Variants in FAT3 observed in about 807,000 individuals in gnomAD.
FAT3 encodes FAT atypical cadherin 3, also known as protocadherin Fat 3.
In FAT3, 95 loss-of-function variants were observed where a neutral mutation model predicts 310.2. That is an observed-to-expected ratio of 0.31 (90% CI 0.26 to 0.36). FAT3 has a LOEUF of 0.36. FAT3 is among the 10% of genes least tolerant of loss of function. The pLI is 1.00. For missense variants in FAT3, 5,408 were observed against 5,715.6 expected (o/e 0.95, Z 1.74); for synonymous variants, 2,314 against 2,192.9 (o/e 1.06, Z -1.54).
intron 2 of FAT3, among the ~76,000 whole-genome samples, chr11:92,477,280 T>A (rs1390372204): frequency 6.6e-6 from 1 of 152,240 alleles, no homozygotes; most frequent in Non-Finnish European, 1.5e-5. Context: ...GTTTCTGGTG[T>A]GAAGTGTATT....
At chr11:92,561,740 C>T (rs950865534) in intron 3 of FAT3, among the ~76,000 whole-genome samples, 11 of 152,196 alleles carry the variant, frequency 7.2e-5, no homozygotes, top group Admixed American at 2.6e-4. Flanking sequence ...ATTCTCCTGC[C>T]TCAGCCTCCC....
chr11:92,289,268 A>C (rs1946634484), intron 1 of FAT3, among the ~76,000 whole-genome samples: 1 of 152,072 alleles, frequency 6.6e-6, no homozygotes, highest in African/African-American at 2.4e-5. Flanking sequence ...TAAGGTGAAC[A>C]GTTTTCCTTC....
intron 2 of FAT3, among the ~76,000 whole-genome samples, chr11:92,481,664 T>C (rs1425869193): frequency 6.6e-6 from 1 of 152,216 alleles, no homozygotes; most frequent in Non-Finnish European, 1.5e-5. Context: ...TACTTGGTGT[T>C]CTAGTTCTCT....
intron 2 of FAT3, among the ~76,000 whole-genome samples, chr11:92,522,218 T>C (rs1380069513): frequency 6.6e-6 from 1 of 152,148 alleles, no homozygotes; most frequent in Non-Finnish European, 1.5e-5. Flanking sequence ...GTCACTTGTC[T>C]GTTCTATGAC....
At position 92,442,081 on chromosome 11, in the gene FAT3, TTATATATA is replaced by T. The variant is rs869247397; in HGVS notation, c.3293-82529_3293-82522del. Among the ~76,000 whole-genome samples the T allele has an allele frequency of 1.8e-3, 128 of 69,984 alleles. 2 individuals carry two copies. The highest frequency in any genetic ancestry group is 4.5e-3 in the African/African-American group (55 of 12,150). The allele number at this position is 69,984 out of a possible 152,430, so 45.9% of individuals were successfully genotyped here. ...GTGCAAAACTTAAGAAATATATATT[TTATATATA>T]TATATATATATATATATATATATTT... On this transcript the variant is annotated intron_variant, in intron 2 of 27. Transcript: ENST00000525166.
At chr11:92,378,901 G>A (rs1232030176) in intron 2 of FAT3, among the ~76,000 whole-genome samples, 2 of 152,100 alleles carry the variant, frequency 1.3e-5, no homozygotes, top group Non-Finnish European at 2.9e-5. Context: ...GCTTTTATAA[G>A]GGCACTAATC....
At chr11:92,576,579 T>TA (rs1238132919) in intron 3 of FAT3, among the ~76,000 whole-genome samples, 4 of 152,082 alleles carry the variant, frequency 2.6e-5, no homozygotes, top group Admixed American at 1.3e-4. Flanking sequence ...TGCTAACAAT[T>TA]ACTGATTTGG....
At chr11:92,434,108 A>G (rs1020992405) in intron 2 of FAT3, among the ~76,000 whole-genome samples, 8 of 152,006 alleles carry the variant, frequency 5.3e-5, no homozygotes, top group African/African-American at 1.9e-4. Context: ...TCATCTCATA[A>G]TGGATTAACT....
intron 3 of FAT3, among the ~76,000 whole-genome samples, chr11:92,618,782 A>T (rs776930042): frequency 6.6e-6 from 1 of 152,164 alleles, no homozygotes; most frequent in South Asian, 2.1e-4. Flanking sequence ...AAATCATGTT[A>T]TCTACACATG....
rs1955140664 is a variant in FAT3, at chr11:92,559,390, T to TTC, written c.3607+34443_3607+34444insCT. 3 of 193,816 alleles carry TTC rather than the reference T, an allele frequency of 1.5e-5. No individual in the cohort carries two copies. The South Asian group carries it at 2.1e-4, about 14-fold the overall frequency. The allele number at this position is 193,816 out of a possible 1,614,324, so 12.0% of individuals were successfully genotyped here. A position where few individuals can be genotyped will look rare whatever the true frequency, so the allele number is the denominator to read the frequency against. On this transcript the variant is annotated intron_variant, in intron 3 of 27. Coordinates refer to ENST00000525166, the MANE Select transcript of FAT3 (RefSeq NM_001367949.2). ...GATTGTTTACTTATTTTCCTTTTTT[T>TTC]TTTTTTTTTTTTGAAACAGGGTCTT...
intron 3 of FAT3, among the ~76,000 whole-genome samples, chr11:92,673,734 G>A (rs537949244): frequency 6.6e-6 from 1 of 152,108 alleles, no homozygotes; most frequent in African/African-American, 2.4e-5. Context: ...AAACTAGTCT[G>A]GACTCCAATC....
intron 13 of FAT3, among the ~76,000 whole-genome samples, chr11:92,810,299 A>G (rs1947634242): frequency 6.6e-6 from 1 of 152,174 alleles, no homozygotes; most frequent in African/African-American, 2.4e-5. Context: ...AAGAGATACT[A>G]AGAAGTCTTT....
chr11:92,541,412 T>C lies in FAT3; in HGVS notation c.3607+16464T>C, dbSNP rs888317065. Among the ~76,000 whole-genome samples the C allele has an allele frequency of 2.0e-5, 3 of 152,292 alleles. No individual in the cohort carries two copies. In the East Asian group the frequency reaches 5.8e-4, roughly 29 times the overall value. On this transcript the variant is annotated intron_variant, in intron 3 of 27. Transcript: ENST00000525166. Reference sequence around the variant, plus strand: ...TGATGGCAGAAATTCTCCTAACTGCTTTTGTTTAAACTCCTGTTTGACATT... The same window carrying C: ...TGATGGCAGAAATTCTCCTAACTGCCTTTGTTTAAACTCCTGTTTGACATT...
At chr11:92,689,443 C>T (rs934075918) in intron 3 of FAT3, among the ~76,000 whole-genome samples, 15 of 152,168 alleles carry the variant, frequency 9.9e-5, no homozygotes, top group East Asian at 5.8e-4. Flanking sequence ...TCATTTCATA[C>T]GACATCCTTA....
At chr11:92,754,636 A>AAAAAAAAAAAAAAAAAAAAAAAAG in intron 4 of FAT3, among the ~76,000 whole-genome samples, 1 of 143,982 alleles carries the variant, frequency 6.9e-6, no homozygotes, top group South Asian at 2.2e-4. Flanking sequence ...TCAAAAAAAA[A>AAAAAAAAAAAAAAAAAAAAAAAAG]AAAAAAAAAG....
intron 3 of FAT3, among the ~76,000 whole-genome samples, chr11:92,527,070 A>G (rs955936278): frequency 6.6e-6 from 1 of 152,218 alleles, no homozygotes; most frequent in African/African-American, 2.4e-5. Flanking sequence ...TGATTCCAGC[A>G]GGGGAGCTTC....
At chr11:92,539,582 C>T (rs114126517) in intron 3 of FAT3, among the ~76,000 whole-genome samples, 83 of 152,190 alleles carry the variant, frequency 5.5e-4, no homozygotes, top group African/African-American at 1.7e-3. Context: ...GCCTAAAGAA[C>T]GAACAGGCTG....
At chr11:92,274,392 A>T (rs1339002280) in intron 1 of FAT3, among the ~76,000 whole-genome samples, 1 of 152,118 alleles carries the variant, frequency 6.6e-6, no homozygotes, top group African/African-American at 2.4e-5. Context: ...TATGAATGAC[A>T]AAAGGGTGTT....
intron 2 of FAT3, among the ~76,000 whole-genome samples, chr11:92,416,678 A>T (rs1015109097): frequency 6.6e-6 from 1 of 152,214 alleles, no homozygotes; most frequent in Non-Finnish European, 1.5e-5. Flanking sequence ...GTTCAAATAG[A>T]AAGCCAGTCC....
Sources: allele counts gnomAD v4.1 joint callset (sites outside exome capture counted in the v4.1 genomes callset), GRCh38; gene constraint gnomAD v4.1.1; transcripts MANE v1.5; gene names NCBI Gene and HGNC (gene_info 2026-07-23, HGNC 2026-07-21).